FBXW4: variants seen among roughly 807,000 people sequenced by gnomAD.
The protein encoded by FBXW4 is F-box/WD repeat-containing protein 4.
In FBXW4, 40 loss-of-function variants were observed where a neutral mutation model predicts 61.8. The observed-to-expected ratio is 0.65, with a 90% CI of 0.50 to 0.84. The LOEUF (loss-of-function observed/expected upper bound fraction) is 0.84. Ranked by LOEUF, FBXW4 falls within the 40% of genes least tolerant of loss-of-function variation. The probability of loss-of-function intolerance (pLI) is 0.00; values close to 1 mark genes in which losing one functional copy is unlikely to be tolerated. For synonymous variants in FBXW4, 311 were observed against 313.8 expected, an observed-to-expected ratio of 0.99 and a Z score of 0.10; for missense variants, 672 against 753.8, an observed-to-expected ratio of 0.89 and a Z score of 1.27.
intron 6 of FBXW4, among the ~76,000 whole-genome samples, chr10:101,621,455 G>T (rs551337519): frequency 6.6e-6 from 1 of 152,284 alleles, no homozygotes; most frequent in East Asian, 1.9e-4. Context: ...TTGAGCCCAG[G>T]AGTTCAAGGC....
At chr10:101,637,744 G>A (rs2134838500) in intron 5 of FBXW4, among the ~76,000 whole-genome samples, 1 of 145,830 alleles carries the variant, frequency 6.9e-6, no homozygotes. Context: ...GGTTTGTATA[G>A]CCAAAATTAC....
At chr10:101,642,870 G>A (rs1461697367) in intron 5 of FBXW4, among the ~76,000 whole-genome samples, 1 of 152,150 alleles carries the variant, frequency 6.6e-6, no homozygotes, top group Non-Finnish European at 1.5e-5. Context: ...CAAGATTTAG[G>A]GCAGGGCTGG....
chr10:101,611,729 G>T lies in FBXW4; in HGVS notation c.1483C>A (p.Leu495Met). ...TTGCCATCTGTCTGCAGGCAGTACA[G>T]GGTGCTGTCGTGGGGCTCCTCCCAC... is the stretch of plus-strand genomic sequence containing the variant. ...MEWEEPHDSTLYCLQTDGNHL... is the reference protein window; with the variant it reads ...MEWEEPHDSTMYCLQTDGNHL... The change falls in exon 8 of 9, where the codon CTG (leucine) becomes ATG (methionine). Residue 495 changes from leucine to methionine, a missense_variant. By Grantham distance (15) the Leu-to-Met change is conservative (BLOSUM62 2). This residue lies in a region of FBXW4 where 312 missense variants were observed against 370.1 expected (regional missense o/e 0.84). Coordinates refer to ENST00000331272, the MANE Select transcript of FBXW4 (RefSeq NM_022039.4). This position sits in a 1 kb window ranked among gnomAD's most constrained non-coding sequence, Gnocchi z 4.9. The T allele has an allele frequency of 6.2e-7, 1 of 1,614,164 alleles. No homozygotes were observed. Among genetic ancestry groups the T allele is most frequent in the Non-Finnish European group, 8.5e-7 (1 of 1,179,998 alleles).
chr10:101,681,317 G>C (rs1022077328), intron 1 of FBXW4, among the ~76,000 whole-genome samples: 10 of 151,678 alleles, frequency 6.6e-5, no homozygotes, highest in Admixed American at 3.3e-4. Flanking sequence ...GAACCTGACA[G>C]GTGGAGGTTG....
At chr10:101,665,747 T>C (rs1430528714) in intron 5 of FBXW4, among the ~76,000 whole-genome samples, 2 of 152,202 alleles carry the variant, frequency 1.3e-5, no homozygotes, top group African/African-American at 2.4e-5. Context: ...TCAACCTCTT[T>C]TATTGACACC....
intron 5 of FBXW4, among the ~76,000 whole-genome samples, chr10:101,665,763 CA>C (rs1182760532): frequency 6.6e-6 from 1 of 152,210 alleles, no homozygotes; most frequent in Non-Finnish European, 1.5e-5. Context: ...ACACCATCTT[CA>C]ATAGTTGTTG....
intron 5 of FBXW4, among the ~76,000 whole-genome samples, chr10:101,657,514 G>C (rs944078304): frequency 2.0e-5 from 3 of 151,852 alleles, no homozygotes; most frequent in African/African-American, 2.4e-5. Flanking sequence ...CTTGCCTGTA[G>C]TACCAGCTAC....
At chr10:101,635,074 C>T (rs942399183) in intron 5 of FBXW4, among the ~76,000 whole-genome samples, 1 of 149,396 alleles carries the variant, frequency 6.7e-6, no homozygotes, top group Non-Finnish European at 1.5e-5. Flanking sequence ...ACTGAATTTA[C>T]AGCCACTTCC....
chr10:101,620,783 C>T (rs2063861604), intron 6 of FBXW4, among the ~76,000 whole-genome samples: 1 of 152,138 alleles, frequency 6.6e-6, no homozygotes, highest in South Asian at 2.1e-4. Flanking sequence ...TGGCTAATCA[C>T]TGTCTCATAC....
At chr10:101,656,912 C>A (rs2064190152) in intron 5 of FBXW4, among the ~76,000 whole-genome samples, 1 of 152,182 alleles carries the variant, frequency 6.6e-6, no homozygotes, top group African/African-American at 2.4e-5. Flanking sequence ...GGCACCCCAC[C>A]TGTCCCCCCT....
At chr10:101,624,663 G>T in intron 6 of FBXW4, 82 bp downstream of exon 6, 1 of 1,495,914 alleles carries the variant, frequency 6.7e-7, no homozygotes, top group Non-Finnish European at 9.3e-7. Flanking sequence ...GGACCACTCA[G>T]CCAACTGAGG....
At chr10:101,662,965 T>C (rs2064259840) in intron 5 of FBXW4, among the ~76,000 whole-genome samples, 1 of 152,178 alleles carries the variant, frequency 6.6e-6, no homozygotes, top group Admixed American at 6.5e-5. Flanking sequence ...GAAGAGAGAA[T>C]GTTCACAGGT....
intron 5 of FBXW4, among the ~76,000 whole-genome samples, chr10:101,646,537 G>A (rs1225511137): frequency 6.6e-6 from 1 of 152,236 alleles, no homozygotes; most frequent in Non-Finnish European, 1.5e-5. Context: ...GGGGCTTGTT[G>A]CTGGTCAAGG....
intron 6 of FBXW4, among the ~76,000 whole-genome samples, chr10:101,615,678 A>G (rs879777089): frequency 7.2e-5 from 11 of 152,288 alleles, no homozygotes; most frequent in Non-Finnish European, 1.2e-4. Flanking sequence ...ACTTCCTGCC[A>G]GTCAGAGAGG....
chr10:101,624,877 A>C, intron 5 of FBXW4, 67 bp from the exon 6 acceptor site: 2 of 1,534,466 alleles, frequency 1.3e-6, no homozygotes, highest in Non-Finnish European at 1.8e-6. Context: ...ATGGCTAACA[A>C]TGGGAAATGC....
intron 1 of FBXW4, among the ~76,000 whole-genome samples, chr10:101,686,100 T>C (rs2064530725): frequency 1.3e-5 from 2 of 152,244 alleles, no homozygotes; most frequent in South Asian, 4.2e-4. Context: ...TTTATGTGCA[T>C]GAGCTTAAGA....
At chr10:101,638,890 C>T (rs2064026755) in intron 5 of FBXW4, among the ~76,000 whole-genome samples, 3 of 152,196 alleles carry the variant, frequency 2.0e-5, no homozygotes, top group African/African-American at 7.2e-5. Context: ...CCCCAAACTT[C>T]TGCTTCATAA....
chr10:101,624,370 G>A (rs1008951276), intron 6 of FBXW4, among the ~76,000 whole-genome samples: 1 of 151,790 alleles, frequency 6.6e-6, no homozygotes, highest in Admixed American at 6.6e-5. Flanking sequence ...TATTTTCACT[G>A]TTCTGTATAA....
intron 5 of FBXW4, among the ~76,000 whole-genome samples, chr10:101,632,066 T>TGATG (rs1005780972): frequency 2.0e-5 from 3 of 152,128 alleles, no homozygotes; most frequent in African/African-American, 4.8e-5. Context: ...TGCCCTGAAG[T>TGATG]GATGGGACTG....
Sources: allele counts gnomAD v4.1 joint callset (sites outside exome capture counted in the v4.1 genomes callset), GRCh38; gene constraint gnomAD v4.1.1; regional missense constraint gnomAD v4.1.1; non-coding constraint Gnocchi (gnomAD v3.1); transcripts MANE v1.5; gene names NCBI Gene and HGNC (gene_info 2026-07-23, HGNC 2026-07-21).